The following GRM8 variants were observed in gnomAD, a reference collection of about 807,000 sequenced individuals.
GRM8 encodes the protein metabotropic glutamate receptor 8.
A neutral mutation model predicts 87.2 loss-of-function variants in GRM8; 47 were observed. The observed-to-expected ratio is 0.54, with a 90% CI of 0.43 to 0.69. The LOEUF is 0.69. Among genes scored for constraint, GRM8 ranks in the 30% least tolerant of loss-of-function variants. The pLI is 0.00. For missense variants in GRM8, 1,019 were observed against 1,139.2 expected (o/e 0.89, Z 1.52); for synonymous variants, 396 against 404.5 (o/e 0.98, Z 0.25).
chr7:126,647,803 C>T (rs1475112125), intron 7 of GRM8, among the ~76,000 whole-genome samples: 1 of 152,128 alleles, frequency 6.6e-6, no homozygotes, highest in Non-Finnish European at 1.5e-5. Flanking sequence ...CTCACAAATG[C>T]ACCGAAACAT....
At chr7:126,787,037 C>T (rs536267922) in intron 6 of GRM8, among the ~76,000 whole-genome samples, 54 of 152,274 alleles carry the variant, frequency 3.5e-4, no homozygotes, top group Non-Finnish European at 6.6e-4. Flanking sequence ...CTAAATTAGT[C>T]TCCAGTGCTT....
intron 3 of GRM8, among the ~76,000 whole-genome samples, chr7:126,978,027 G>A (rs1470037701): frequency 6.6e-6 from 1 of 152,188 alleles, no homozygotes; most frequent in Non-Finnish European, 1.5e-5. Context: ...CAATTGTTTT[G>A]TACAGAATGG....
At chr7:126,705,290 G>C (rs968817547) in intron 7 of GRM8, among the ~76,000 whole-genome samples, 104 of 152,016 alleles carry the variant, frequency 6.8e-4, no homozygotes, top group African/African-American at 2.5e-3. Context: ...AGGATACCAT[G>C]GGCCATCTTG....
intron 8 of GRM8, among the ~76,000 whole-genome samples, chr7:126,601,228 A>G (rs1797723100): frequency 6.6e-6 from 1 of 151,878 alleles, no homozygotes; most frequent in South Asian, 2.1e-4. Context: ...GATGATTTCC[A>G]ATTTCATCCA....
chr7:127,224,185 G>A (rs17867153), intron 2 of GRM8, among the ~76,000 whole-genome samples: 1 of 152,270 alleles, frequency 6.6e-6, no homozygotes, highest in East Asian at 1.9e-4. Flanking sequence ...ACTTTCCAAA[G>A]TTGGCAAAAG....
chr7:127,236,890 C>T (rs1329935599), intron 2 of GRM8, among the ~76,000 whole-genome samples: 1 of 152,114 alleles, frequency 6.6e-6, no homozygotes, highest in African/African-American at 2.4e-5. Flanking sequence ...TAGACATGCC[C>T]CTGCCCACAT....
chr7:126,982,759 T>C (rs570427827), intron 3 of GRM8, among the ~76,000 whole-genome samples: 30 of 152,366 alleles, frequency 2.0e-4, no homozygotes, highest in African/African-American at 5.3e-4. Context: ...CTGGTATTGA[T>C]GACTACCTTC....
intron 3 of GRM8, among the ~76,000 whole-genome samples, chr7:127,090,086 C>T (rs1823902829): frequency 6.6e-6 from 1 of 152,200 alleles, no homozygotes; most frequent in Non-Finnish European, 1.5e-5. Context: ...TACCAACTTG[C>T]TTCTGGCCCT....
chr7:126,686,699 A>C (rs147907682), intron 7 of GRM8, among the ~76,000 whole-genome samples: 2 of 152,178 alleles, frequency 1.3e-5, no homozygotes, highest in East Asian at 3.9e-4. Flanking sequence ...TCCACGCCTG[A>C]CTCACAGTCT....
chr7:127,052,986 C>T (rs1819642395), intron 3 of GRM8, among the ~76,000 whole-genome samples: 1 of 151,950 alleles, frequency 6.6e-6, no homozygotes, highest in Non-Finnish European at 1.5e-5. Context: ...TTCCAATGTA[C>T]AAAAAATATA....
At chr7:127,010,996 C>A (rs1814835334) in intron 3 of GRM8, among the ~76,000 whole-genome samples, 2 of 151,984 alleles carry the variant, frequency 1.3e-5, no homozygotes, top group Non-Finnish European at 2.9e-5. Context: ...AAAGAGATTA[C>A]CATCTAGTTC....
chr7:126,443,909 G>GT (rs1801726954), intron 10 of GRM8, among the ~76,000 whole-genome samples: 2 of 151,902 alleles, frequency 1.3e-5, no homozygotes, highest in African/African-American at 2.4e-5. Flanking sequence ...TGAGAATTTT[G>GT]TTTTTCAGGG....
In GRM8 at chr7:126,866,645, G is replaced by T. The variant is rs1162527808; in HGVS notation, c.1156+35897C>A. ...CTTGCTCTGTCACCCAGGTTGGAGTGCTGTGGTGCAATCTCGGCTCACAGC... is the reference window on the plus strand; with the variant it reads ...CTTGCTCTGTCACCCAGGTTGGAGTTCTGTGGTGCAATCTCGGCTCACAGC... On this transcript the variant is annotated intron_variant, in intron 6 of 10. Coordinates refer to ENST00000339582, the MANE Select transcript of GRM8 (RefSeq NM_000845.3). 1.6e-5 allele frequency among the ~76,000 whole-genome samples: 2 copies of T among 125,482 alleles called. 1 individual carries two copies. Among genetic ancestry groups the T allele is most frequent in the Admixed American group, 2.1e-4 (2 of 9,610 alleles). 82.3% of individuals were successfully genotyped at this position (125,482 alleles called of 152,430 possible). A position where few individuals can be genotyped will look rare whatever the true frequency, so the allele number is the denominator to read the frequency against.
chr7:127,074,636 C>G (rs561157722), intron 3 of GRM8, among the ~76,000 whole-genome samples: 1 of 152,266 alleles, frequency 6.6e-6, no homozygotes, highest in African/African-American at 2.4e-5. Flanking sequence ...GCATCCTTCC[C>G]CATTATACAA....
intron 9 of GRM8, among the ~76,000 whole-genome samples, chr7:126,468,055 C>G (rs1284312843): frequency 2.0e-5 from 3 of 151,978 alleles, no homozygotes; most frequent in Non-Finnish European, 4.4e-5. Context: ...CACTAGATAA[C>G]TATAAAAATA....
chr7:126,459,833 A>C (rs1263856471), intron 9 of GRM8, among the ~76,000 whole-genome samples: 1 of 151,468 alleles, frequency 6.6e-6, no homozygotes, highest in Non-Finnish European at 1.5e-5. Context: ...GGAAAGCATA[A>C]GACAACTAAC....
At chr7:126,811,807 T>C (rs1793321917) in intron 6 of GRM8, among the ~76,000 whole-genome samples, 1 of 152,016 alleles carries the variant, frequency 6.6e-6, no homozygotes, top group African/African-American at 2.4e-5. Flanking sequence ...CATCAGTGAA[T>C]AGGGATAATT....
intron 7 of GRM8, among the ~76,000 whole-genome samples, chr7:126,611,781 A>G (rs2299478): frequency 0.32 from 48,661 of 152,040 alleles, 8,415 homozygotes; most frequent in East Asian, 0.43. Flanking sequence ...AATATACCCT[A>G]AGTTATACAT....
chr7:126,493,424 C>A (rs1206480618), intron 9 of GRM8, among the ~76,000 whole-genome samples: 1 of 151,982 alleles, frequency 6.6e-6, no homozygotes, highest in East Asian at 2.0e-4. Flanking sequence ...AAGTTTCTCT[C>A]AGACAGAGAA....
Sources: gnomAD v4.1 joint callset for allele counts (sites outside exome capture counted in the v4.1 genomes callset) on GRCh38, gnomAD v4.1.1 for gene constraint, MANE v1.5 for transcripts, NCBI Gene and HGNC (gene_info 2026-07-23, HGNC 2026-07-21) for gene names.